UAP1: variants seen among roughly 807,000 people sequenced by gnomAD.
UAP1 encodes UDP-N-acetylglucosamine pyrophosphorylase 1.
In UAP1, 25 loss-of-function variants were observed where a neutral mutation model predicts 58.5. That is an observed-to-expected ratio of 0.43 (90% CI 0.31 to 0.60). UAP1 has a LOEUF of 0.60. Among genes scored for constraint, UAP1 ranks in the 20% least tolerant of loss-of-function variants. The probability of loss-of-function intolerance (pLI) is 0.11; values close to 1 mark genes in which losing one functional copy is unlikely to be tolerated. For missense variants in UAP1, 575 were observed against 630.0 expected, an observed-to-expected ratio of 0.91 and a Z score of 0.93; for synonymous variants, 208 against 213.0, an observed-to-expected ratio of 0.98 and a Z score of 0.21.
downstream of UAP1, among the ~76,000 whole-genome samples, chr1:162,600,309 C>T (rs1255770579): frequency 6.6e-6 from 1 of 152,088 alleles, no homozygotes; most frequent in Non-Finnish European, 1.5e-5. Flanking sequence ...TCTGAATTTT[C>T]TCTGGTAGGC....
chr1:162,578,089 T>C (rs1654321618), intron 3 of UAP1, among the ~76,000 whole-genome samples: 1 of 152,106 alleles, frequency 6.6e-6, no homozygotes, highest in African/African-American at 2.4e-5. Context: ...TTTTTATAAG[T>C]TTTTGGTTCA....
chr1:162,600,300 C>A (rs1043428809), downstream of UAP1, among the ~76,000 whole-genome samples: 10 of 152,082 alleles, frequency 6.6e-5, no homozygotes, highest in African/African-American at 2.4e-4. Flanking sequence ...AATGTAGTTT[C>A]TGAATTTTCT....
chr1:162,590,031 G>C (rs78389460), intron 7 of UAP1, among the ~76,000 whole-genome samples: 1 of 144,852 alleles, frequency 6.9e-6, no homozygotes. Flanking sequence ...TTTTTTGCCT[G>C]TTTTTTTTTT....
chr1:162,596,170 T>C (rs1182259396), intron 9 of UAP1, among the ~76,000 whole-genome samples: 1 of 150,740 alleles, frequency 6.6e-6, no homozygotes, highest in African/African-American at 2.4e-5. Context: ...TTAAATTAAT[T>C]AATTAATGTA....
chr1:162,588,302 A>C (rs1175112256), intron 6 of UAP1, among the ~76,000 whole-genome samples: 1 of 152,234 alleles, frequency 6.6e-6, no homozygotes, highest in African/African-American at 2.4e-5. Flanking sequence ...CTTTTTAAAA[A>C]GTTAATATGC....
At chr1:162,571,816 A>T (rs567901668) in intron 2 of UAP1, among the ~76,000 whole-genome samples, 1 of 152,228 alleles carries the variant, frequency 6.6e-6, no homozygotes, top group Non-Finnish European at 1.5e-5. Context: ...TTGCAACTTT[A>T]TCGTAGTAAC....
At chr1:162,600,959 T>A (rs1230406336), downstream of UAP1, among the ~76,000 whole-genome samples, 1 of 152,178 alleles carries the variant, frequency 6.6e-6, no homozygotes, top group African/African-American at 2.4e-5. Flanking sequence ...TATTTCCACC[T>A]GCTATTTATT....
rs541898753 is a variant in UAP1, at chr1:162,576,690, T to C, written c.281-87T>C. 3 of 1,267,896 alleles carry C rather than the reference T, an allele frequency of 2.4e-6. No individual in the cohort carries two copies. In the African/African-American group the frequency reaches 4.5e-5, roughly 19 times the overall value. The allele number at this position is 1,267,896 out of a possible 1,614,324, so 78.5% of individuals were successfully genotyped here. A position where few individuals can be genotyped will look rare whatever the true frequency, so the allele number is the denominator to read the frequency against. ...CAGCTGTATAGCCTTACTTCCTTTTTGATGAGTCTTTGCTGCTACCTATGT... is the reference window on the plus strand; with the variant it reads ...CAGCTGTATAGCCTTACTTCCTTTTCGATGAGTCTTTGCTGCTACCTATGT... On this transcript the variant is annotated intron_variant, in intron 2 of 10. Transcript: ENST00000271469.
Position 162,578,051 on chromosome 1 carries a change from C to T in UAP1, c.485+1070C>T, listed in dbSNP as rs142972498. On this transcript the variant is annotated intron_variant, in intron 3 of 10. Transcript: ENST00000271469. ...CAGCCAGTGTTAGTTTCCTAAGGACCAAGAGATTACAGAAGATCCTGCTCT... is the reference window on the plus strand; with the variant it reads ...CAGCCAGTGTTAGTTTCCTAAGGACTAAGAGATTACAGAAGATCCTGCTCT... 3.1e-3 allele frequency among the ~76,000 whole-genome samples: 476 copies of T among 152,092 alleles called. 1 individual carries two copies. The highest frequency in any genetic ancestry group is 0.011 in the African/African-American group (448 of 41,504).
chr1:162,600,082 T>C (rs964792541), downstream of UAP1, among the ~76,000 whole-genome samples: 1 of 152,210 alleles, frequency 6.6e-6, no homozygotes, highest in Non-Finnish European at 1.5e-5. Flanking sequence ...TTTTTGGTTG[T>C]GACAAGTGGG....
exon 11 of UAP1, chr1:162,599,577 T>A (rs1655817580): frequency 2.7e-6 from 1 of 367,108 alleles, no homozygotes; most frequent in South Asian, 7.3e-5. Context: ...TTGAAGGTCT[T>A]ATTTATATAA....
At chr1:162,584,626 G>A (rs1654797711) in intron 5 of UAP1, among the ~76,000 whole-genome samples, 1 of 152,094 alleles carries the variant, frequency 6.6e-6, no homozygotes. Context: ...GAGACTACAG[G>A]CACCCAGCAC....
intron 2 of UAP1, 67 bp downstream of exon 2, chr1:162,566,415 G>T: frequency 3.4e-6 from 5 of 1,478,550 alleles, no homozygotes; most frequent in Non-Finnish European, 4.6e-6. Flanking sequence ...TCAGGTAGCT[G>T]GATCATGTCA....
At chr1:162,589,582 A>G (rs1445901842) in intron 7 of UAP1, among the ~76,000 whole-genome samples, 1 of 152,072 alleles carries the variant, frequency 6.6e-6, no homozygotes, top group Non-Finnish European at 1.5e-5. Flanking sequence ...TTCAGTAAAC[A>G]TGTTTTTAGA....
chr1:162,589,168 TATA>T (rs1655119052), intron 7 of UAP1, among the ~76,000 whole-genome samples: 11 of 104,352 alleles, frequency 1.1e-4, no homozygotes, highest in African/African-American at 4.2e-4. Flanking sequence ...ATATATAATA[TATA>T]AATATTATAT....
At chr1:162,571,015 G>GATTC (rs1653823013) in intron 2 of UAP1, among the ~76,000 whole-genome samples, 1 of 151,242 alleles carries the variant, frequency 6.6e-6, no homozygotes, top group African/African-American at 2.4e-5. Flanking sequence ...AAAGTGCTTA[G>GATTC]ATTCTCTTGG....
Position 162,590,569 on chromosome 1 carries a change from C to G in UAP1, c.1358+58C>G, listed in dbSNP as rs192237098. On this transcript the variant is annotated intron_variant, in intron 8 of 10. Coordinates refer to ENST00000271469, the Ensembl canonical transcript of UAP1. ...CCTTTCTTGGACTTTTCCTCTTGGA[C>G]TTCTCTCTCTCTCTCTCTCTCTGTA... The G allele has an allele frequency of 5.6e-4, 788 of 1,403,206 alleles. 1 individual carries two copies. Among genetic ancestry groups the G allele is most frequent in the Admixed American group, 1.8e-3 (82 of 44,680 alleles). 86.9% of individuals were successfully genotyped at this position (1,403,206 alleles called of 1,614,324 possible). A position where few individuals can be genotyped will look rare whatever the true frequency, so the allele number is the denominator to read the frequency against.
chr1:162,579,491 C>T (rs777960082), exon 4 of UAP1: 122 of 1,611,480 alleles, frequency 7.6e-5, no homozygotes, highest in Non-Finnish European at 9.9e-5. Flanking sequence ...AGCACAAGTA[C>T]TTTGGTTTAA....
intron 2 of UAP1, among the ~76,000 whole-genome samples, chr1:162,575,460 GTT>G (rs1236357078): frequency 6.6e-6 from 1 of 152,006 alleles, no homozygotes; most frequent in Non-Finnish European, 1.5e-5. Flanking sequence ...TTGAGAAAGA[GTT>G]TTACTGTCAC....
Sources: gnomAD v4.1 joint callset for allele counts (sites outside exome capture counted in the v4.1 genomes callset) on GRCh38, gnomAD v4.1.1 for gene constraint, MANE v1.5 for transcripts, NCBI Gene and HGNC (gene_info 2026-07-23, HGNC 2026-07-21) for gene names.